Variants in MAPK14 observed in about 807,000 individuals in gnomAD.
The protein encoded by MAPK14 is CSAID-binding protein.
MAPK14 carries 16 observed loss-of-function variants against 49.6 expected under a neutral mutation model. The observed-to-expected ratio is 0.32, with a 90% CI of 0.22 to 0.49. MAPK14 has a LOEUF of 0.49. Ranked by LOEUF, MAPK14 falls within the 20% of genes least tolerant of loss-of-function variation. MAPK14 has a pLI of 0.99. For synonymous variants in MAPK14, 142 were observed against 158.0 expected, an observed-to-expected ratio of 0.90 and a Z score of 0.76; for missense variants, 200 against 441.2, an observed-to-expected ratio of 0.45 and a Z score of 4.90.
rs371551614 is a variant in MAPK14 at position 36,051,264 on chromosome 6, T to C, written c.117-1435T>C. On this transcript the variant is annotated intron_variant, in intron 1 of 11. Coordinates refer to ENST00000229794, the MANE Select transcript of MAPK14 (RefSeq NM_139012.3). Reference sequence around the variant, plus strand: ...CTGAGTAGCTGGGATTACAGGCACCTGCCACTGCGCCTAATTTTGTATTTT... The same window carrying C: ...CTGAGTAGCTGGGATTACAGGCACCCGCCACTGCGCCTAATTTTGTATTTT... Among the ~76,000 whole-genome samples the C allele has an allele frequency of 1.2e-3, 177 of 152,048 alleles. 3 individuals are homozygous for C. The South Asian group carries it at 0.036, about 31-fold the overall frequency.
At chr6:36,121,162 C>G in the MAPK14 span, among the ~76,000 whole-genome samples, 134,876 of 152,024 alleles carry the variant, frequency 0.89, 59,997 homozygotes, top group East Asian at 1. Flanking sequence ...GCTTGCGGAT[C>G]GCTAGAATGG....
In MAPK14 at chr6:36,031,234, A is replaced by T. The variant is rs112455106; in HGVS notation, c.116+2961A>T. Among the ~76,000 whole-genome samples, 599 of 150,626 alleles carry T rather than the reference A, an allele frequency of 4.0e-3. 4 individuals carry two copies. Among genetic ancestry groups the T allele is most frequent in the African/African-American group, 0.014 (564 of 40,992 alleles). On this transcript the variant is annotated intron_variant, in intron 1 of 11. Coordinates refer to ENST00000229794, the MANE Select transcript of MAPK14 (RefSeq NM_139012.3). ...TCTCCATGTTGGCCAGGCTGGTCTCAGACTCCTGACCTCAAGTGATCTGCT... is the reference window on the plus strand; with the variant it reads ...TCTCCATGTTGGCCAGGCTGGTCTCTGACTCCTGACCTCAAGTGATCTGCT...
chr6:36,103,601 G>C (rs965542175), intron 10 of MAPK14, among the ~76,000 whole-genome samples: 1 of 152,138 alleles, frequency 6.6e-6, no homozygotes, highest in African/African-American at 2.4e-5. Context: ...ACTTCCAAAA[G>C]TGCTGGGATT....
the MAPK14 span, among the ~76,000 whole-genome samples, chr6:36,120,892 G>A: frequency 4.6e-5 from 7 of 152,174 alleles, no homozygotes; most frequent in Admixed American, 2.6e-4. Flanking sequence ...TCACCAGGTA[G>A]GTAAGGAGGA....
intron 6 of MAPK14, 91 bp downstream of exon 6, chr6:36,074,187 G>C (rs1372845267): frequency 1.2e-6 from 1 of 840,390 alleles, no homozygotes; most frequent in East Asian, 2.6e-5. Context: ...GTAGCTTTGT[G>C]AGCCATGACT....
chr6:36,095,493 T>A (rs569790686), intron 8 of MAPK14, among the ~76,000 whole-genome samples: 1 of 152,248 alleles, frequency 6.6e-6, no homozygotes, highest in East Asian at 2.0e-4. Flanking sequence ...GCTCTTTAGG[T>A]CACGCTTGGG....
intron 10 of MAPK14, among the ~76,000 whole-genome samples, chr6:36,106,150 G>A (rs56000239): frequency 6.5e-4 from 99 of 152,280 alleles, no homozygotes; most frequent in Admixed American, 2.2e-3. Flanking sequence ...GCACTGTCAC[G>A]TGCACAGCAT....
At chr6:36,084,476 C>T (rs1764897935) in intron 8 of MAPK14, among the ~76,000 whole-genome samples, 2 of 152,106 alleles carry the variant, frequency 1.3e-5, no homozygotes, top group African/African-American at 4.8e-5. Flanking sequence ...AGCTGTTAAC[C>T]AGAATAACCA....
chr6:36,108,357 T>TA, intron 11 of MAPK14, 23 bp from the exon 12 acceptor site: 1 of 1,591,356 alleles, frequency 6.3e-7, no homozygotes, highest in Non-Finnish European at 8.6e-7. Context: ...TCTCACATCT[T>TA]ACTTTTCCTT....
intron 2 of MAPK14, 99 bp downstream of exon 2, chr6:36,052,927 A>G: frequency 3.7e-6 from 4 of 1,068,002 alleles, no homozygotes; most frequent in Non-Finnish European, 5.3e-6. Context: ...AGTGCATCAA[A>G]CGTTGGTCCC....
chr6:36,120,536 C>T, the MAPK14 span, among the ~76,000 whole-genome samples: 1 of 152,172 alleles, frequency 6.6e-6, no homozygotes, highest in African/African-American at 2.4e-5. Flanking sequence ...CACCCCCCAC[C>T]ATGATGCTGG....
chr6:36,124,103 TTC>T, the MAPK14 span, among the ~76,000 whole-genome samples: 5,205 of 74,138 alleles, frequency 0.07, 599 homozygotes, highest in Non-Finnish European at 0.11. Flanking sequence ...TTGTCTCTCT[TTC>T]TCTCTCTCTC....
chr6:36,120,589 A>G, the MAPK14 span, among the ~76,000 whole-genome samples: 1 of 152,108 alleles, frequency 6.6e-6, no homozygotes, highest in Non-Finnish European at 1.5e-5. Context: ...ATGCGGTGAT[A>G]AGTGTGTATC....
chr6:36,113,375 A>C (rs1562161171), downstream of MAPK14, among the ~76,000 whole-genome samples: 1 of 141,722 alleles, frequency 7.1e-6, no homozygotes, highest in Non-Finnish European at 1.5e-5. Flanking sequence ...AAAAGGTCTT[A>C]AGTGCACAAA....
chr6:36,087,906 C>G (rs1462113361), intron 8 of MAPK14, among the ~76,000 whole-genome samples: 4 of 152,132 alleles, frequency 2.6e-5, no homozygotes, highest in Non-Finnish European at 5.9e-5. Flanking sequence ...CTACAGTAAT[C>G]AAAACAGCAT....
chr6:36,115,598 A>G (rs1766046848), downstream of MAPK14, among the ~76,000 whole-genome samples: 1 of 151,880 alleles, frequency 6.6e-6, no homozygotes, highest in South Asian at 2.1e-4. Flanking sequence ...GAGCCTGGCC[A>G]ACATGGAGAA....
chr6:36,068,444 C>T (rs1255847835), intron 3 of MAPK14, among the ~76,000 whole-genome samples: 2 of 152,174 alleles, frequency 1.3e-5, no homozygotes, highest in African/African-American at 4.8e-5. Flanking sequence ...TAAAGAAACA[C>T]TCTTCCCCTG....
the MAPK14 span, among the ~76,000 whole-genome samples, chr6:36,121,313 C>T: frequency 2.2e-4 from 34 of 152,212 alleles, no homozygotes; most frequent in African/African-American, 7.0e-4. Flanking sequence ...GGGGGTGGGG[C>T]GTTATGGGGA....
At chr6:36,096,989 C>G (rs1011172439) in intron 9 of MAPK14, 2 of 152,230 alleles carry the variant, frequency 1.3e-5, no homozygotes, top group Non-Finnish European at 2.9e-5. Flanking sequence ...TTATGCCTTC[C>G]TGGATTCTCC....
Sources: gnomAD v4.1 joint callset for allele counts (sites outside exome capture counted in the v4.1 genomes callset) on GRCh38, gnomAD v4.1.1 for gene constraint, MANE v1.5 for transcripts, NCBI Gene and HGNC (gene_info 2026-07-23, HGNC 2026-07-21) for gene names.